CCDC9: variants seen among roughly 807,000 people sequenced by gnomAD.
CCDC9 encodes the protein coiled-coil domain containing 9.
A neutral mutation model predicts 65.6 loss-of-function variants in CCDC9; 52 were observed. The ratio of observed to expected loss-of-function variants is 0.79; its 90% CI spans 0.63 to 1.00. CCDC9 has a LOEUF of 1.00. Ranked by LOEUF, CCDC9 falls within the 50% of genes least tolerant of loss-of-function variation. CCDC9 has a pLI of 0.00. For missense variants in CCDC9, 834 were observed against 757.2 expected (o/e 1.10, Z -1.19); for synonymous variants, 332 against 280.3 (o/e 1.18, Z -1.84).
chr19:47,270,739 C>T (rs777037057), intron 10 of CCDC9, 51 bp downstream of exon 10: 13 of 1,539,434 alleles, frequency 8.4e-6, no homozygotes, highest in African/African-American at 6.9e-5. Flanking sequence ...CTCCGCAGGG[C>T]GTTCTCTTCT....
rs1018117636 is a variant in CCDC9 at position 47,260,354 on chromosome 19, G to C, written c.142G>C (p.Glu48Gln). The C allele has an allele frequency of 8.1e-6, 13 of 1,600,806 alleles. No individual in the cohort carries two copies. The highest frequency in any genetic ancestry group is 4.0e-5 in the African/African-American group (3 of 74,622). ...GGAAGACCGTAAGAAAGCTGAACTT[G>C]AGGGAGTCGCAGTCACAGCTCCCCG... ...IEEDRKKAELEGVAVTAPRKG... is the reference protein window; with the variant it reads ...IEEDRKKAELQGVAVTAPRKG... The change falls in exon 4 of 12, where the codon GAG (glutamate) becomes CAG (glutamine). Residue 48 changes from glutamate to glutamine, a missense_variant. Physicochemically the swap from Glu to Gln is conservative, Grantham distance 29. Coordinates refer to ENST00000221922, the MANE Select transcript of CCDC9 (RefSeq NM_015603.3).
chr19:47,270,460 G>A lies in CCDC9; in HGVS notation c.949+7G>A. 3 of 1,614,210 alleles carry A rather than the reference G, an allele frequency of 1.9e-6. No individual in the cohort carries two copies. The highest frequency in any genetic ancestry group is 2.5e-6 in the Non-Finnish European group (3 of 1,180,024). ...GAACCATCCCACCGCTATGGTGAGTGGGTGCCCTTGGATGAGCTGAGGCTC... is the reference window on the plus strand; with the variant it reads ...GAACCATCCCACCGCTATGGTGAGTAGGTGCCCTTGGATGAGCTGAGGCTC... On this transcript the variant is annotated splice_region_variant and intron_variant, in intron 9 of 11. Transcript: ENST00000221922.
At chr19:47,273,334 G>A (rs901264959), downstream of CCDC9, 3 of 1,229,034 alleles carry the variant, frequency 2.4e-6, no homozygotes, top group African/African-American at 1.6e-5. Flanking sequence ...CCCCTCCGCT[G>A]ACTCAGCCCC....
chr19:47,271,722 TGTGTGTGTGTGCGCGCGC>T lies in CCDC9; in HGVS notation c.*46_*63del, dbSNP rs774665175. 5.6e-4 allele frequency: 750 copies of T among 1,344,688 alleles called. 1 individual carries two copies. The African/African-American group carries it at 7.4e-3, about 13-fold the overall frequency. 83.3% of individuals were successfully genotyped at this position (1,344,688 alleles called of 1,614,324 possible). On this transcript the variant is annotated 3_prime_UTR_variant, in exon 12 of 12. Transcript: ENST00000221922. ...GTGTGTGTGTGTGTGTGTGTGTGTGTGTGTGTGTGTGCGCGCGCGCGCGCGCGCGCGCGCGCGCTAGAG... is the reference window on the plus strand; with the variant it reads ...GTGTGTGTGTGTGTGTGTGTGTGTGTGCGCGCGCGCGCGCGCGCGCTAGAG...
In CCDC9 at chr19:47,262,859, G is replaced by A. The variant is rs149422461; in HGVS notation, c.463-1744G>A. Among the ~76,000 whole-genome samples, 1,093 of 152,204 alleles carry A rather than the reference G, an allele frequency of 7.2e-3. 13 individuals are homozygous for A. The highest frequency in any genetic ancestry group is 7.5e-3 in the Non-Finnish European group (508 of 68,002). ...CTAGCTACTTGGGAAGCTAAGGTGG[G>A]AGGATCGCTTGAGCCCAGGAGTTTG... On this transcript the variant is annotated intron_variant, in intron 5 of 11. Coordinates refer to ENST00000221922, the MANE Select transcript of CCDC9 (RefSeq NM_015603.3).
intron 7 of CCDC9, 151 bp from the exon 8 acceptor site, chr19:47,266,460 T>C: frequency 8.2e-7 from 1 of 1,226,122 alleles, no homozygotes; most frequent in Non-Finnish European, 1.1e-6. Context: ...AGAGGGCCTC[T>C]GTGAGGAGGT....
chr19:47,271,873 G>GCC lies in CCDC9; in HGVS notation c.*197_*198dup, dbSNP rs2123486902. On this transcript the variant is annotated 3_prime_UTR_variant, in exon 12 of 12. Transcript: ENST00000221922. ...AGCCCATGCTCTTCTGTACTGTCAT[G>GCC]CCCGTCTCTGGAATGTCCACTCCCA... The GCC allele has an allele frequency of 7.4e-7, 1 of 1,360,046 alleles. No individual in the cohort carries two copies. The highest frequency in any genetic ancestry group is 2.0e-5 in the South Asian group (1 of 49,936). The allele number at this position is 1,360,046 out of a possible 1,614,324, so 84.2% of individuals were successfully genotyped here. A position where few individuals can be genotyped will look rare whatever the true frequency, so the allele number is the denominator to read the frequency against.
At chr19:47,273,405 G>T, downstream of CCDC9, 1 of 1,231,870 alleles carries the variant, frequency 8.1e-7, no homozygotes, top group Non-Finnish European at 1.0e-6. Context: ...GACTTCCAGA[G>T]GGTGCGTTTC....
At chr19:47,260,268 C>A in intron 3 of CCDC9, 53 bp from the exon 4 acceptor site, 2 of 1,331,402 alleles carry the variant, frequency 1.5e-6, no homozygotes, top group Non-Finnish European at 1.1e-6. Context: ...TCTGGGAGTC[C>A]GTCTGGCAGA....
At chr19:47,266,453 G>A (rs1209997493) in intron 7 of CCDC9, 158 bp from the exon 8 acceptor site, 2 of 1,111,374 alleles carry the variant, frequency 1.8e-6, no homozygotes, top group Admixed American at 6.5e-5. Context: ...AGATCTGAGA[G>A]GGCCTCTGTG....
downstream of CCDC9, chr19:47,274,982 G>C: frequency 6.8e-7 from 1 of 1,463,552 alleles, no homozygotes; most frequent in African/African-American, 1.5e-5. Context: ...GGCTGAGCGA[G>C]GGCCCGCGGG....
At chr19:47,274,003 C>G (rs746983009), downstream of CCDC9, 90 of 983,856 alleles carry the variant, frequency 9.1e-5, no homozygotes, top group Non-Finnish European at 1.0e-4. Flanking sequence ...TGGGAGGGGA[C>G]TGAAGCTTCC....
chr19:47,269,958 C>T (rs904089729), intron 8 of CCDC9, among the ~76,000 whole-genome samples: 1 of 151,894 alleles, frequency 6.6e-6, no homozygotes, highest in Non-Finnish European at 1.5e-5. Context: ...TTGCCCATCA[C>T]CTGGTCCTAT....
Position 47,271,467 on chromosome 19 carries a change from G to A in CCDC9, c.1385G>A (p.Cys462Tyr), listed in dbSNP as rs2059117021. 4 of 1,613,398 alleles carry A rather than the reference G, an allele frequency of 2.5e-6. No homozygotes were observed. The highest frequency in any genetic ancestry group is 3.3e-5 in the Admixed American group (2 of 59,990). The change falls in exon 12 of 12, where the codon TGC (cysteine) becomes TAC (tyrosine). Residue 462 changes from cysteine to tyrosine, a missense_variant. By Grantham distance (194) the Cys-to-Tyr change is radical (BLOSUM62 -2). Coordinates refer to ENST00000221922, the MANE Select transcript of CCDC9 (RefSeq NM_015603.3). The stretch of plus-strand genomic sequence containing the variant: ...GAGGCTGCCCCCACCGGGATCCCCT[G>A]CAGTGAGCAGGCCCACGGAGTCCCC... ...APEAAPTGIP[C>Y]SEQAHGVPFS...
chr19:47,264,658 A>T lies in CCDC9; in HGVS notation c.518A>T (p.Lys173Met), dbSNP rs774015477. ...NIEKMNEEME[K>M]IAEYERNQRE... ...GAGAAGATGAATGAGGAGATGGAGA[A>T]GATCGCCGAGTATGAGCGCAACCAG... The change falls in exon 6 of 12, where the codon AAG (lysine) becomes ATG (methionine). Residue 173 changes from lysine to methionine, a missense_variant. Physicochemically the swap from Lys to Met is moderately conservative, Grantham distance 95. Coordinates refer to ENST00000221922, the MANE Select transcript of CCDC9 (RefSeq NM_015603.3). The T allele has an allele frequency of 6.2e-7, 1 of 1,605,132 alleles. No homozygotes were observed. The highest frequency in any genetic ancestry group is 8.5e-7 in the Non-Finnish European group (1 of 1,176,036).
In CCDC9 at chr19:47,271,846, G is replaced by C; in HGVS notation, c.*168G>C. On this transcript the variant is annotated 3_prime_UTR_variant, in exon 12 of 12. Coordinates refer to ENST00000221922, the MANE Select transcript of CCDC9 (RefSeq NM_015603.3). ...CAGCCCTGTCAGCTGAGGGGGTAGC[G>C]CAGCCCATGCTCTTCTGTACTGTCA... 1 of 1,408,920 alleles carries C rather than the reference G, an allele frequency of 7.1e-7. No individual in the cohort carries two copies. The highest frequency in any genetic ancestry group is 9.2e-7 in the Non-Finnish European group (1 of 1,085,388). 87.3% of individuals were successfully genotyped at this position (1,408,920 alleles called of 1,614,324 possible). A position where few individuals can be genotyped will look rare whatever the true frequency, so the allele number is the denominator to read the frequency against.
intron 5 of CCDC9, among the ~76,000 whole-genome samples, chr19:47,262,487 G>A (rs1283787218): frequency 2.0e-5 from 3 of 152,012 alleles, no homozygotes; most frequent in African/African-American, 2.4e-5. Flanking sequence ...AAAATGCTGC[G>A]ATGACATGTG....
chr19:47,271,352 T>G lies in CCDC9; in HGVS notation c.1270T>G (p.Trp424Gly). ...EENEGEEDEE[W>G]EDISEDEEEE... ...GAATGAGGGGGAAGAGGATGAAGAA[T>G]GGGAGGACATAAGTGAGGATGAGGA... The change falls in exon 12 of 12, where the codon TGG (tryptophan) becomes GGG (glycine). Residue 424 changes from tryptophan to glycine, a missense_variant. Physicochemically the swap from Trp to Gly is radical, Grantham distance 184 (BLOSUM62 -2). Coordinates refer to ENST00000221922, the MANE Select transcript of CCDC9 (RefSeq NM_015603.3). 6.2e-7 allele frequency: 1 copy of G among 1,612,824 alleles called. No individual in the cohort carries two copies. Among genetic ancestry groups the G allele is most frequent in the Non-Finnish European group, 8.5e-7 (1 of 1,179,546 alleles).
intron 5 of CCDC9, among the ~76,000 whole-genome samples, chr19:47,261,500 C>T (rs1231120210): frequency 6.6e-6 from 1 of 152,074 alleles, no homozygotes; most frequent in African/African-American, 2.4e-5. Context: ...TGGCCTTGGG[C>T]AGCTCACTTC....
Sources: gnomAD v4.1 joint callset for allele counts (sites outside exome capture counted in the v4.1 genomes callset) on GRCh38, gnomAD v4.1.1 for gene constraint, MANE v1.5 for transcripts, NCBI Gene and HGNC (gene_info 2026-07-23, HGNC 2026-07-21) for gene names.